Variants in SEC63 observed in about 807,000 individuals in gnomAD.
SEC63 encodes the protein SEC63 protein translocation regulator.
In SEC63, 56 loss-of-function variants were observed where a neutral mutation model predicts 116.2. That is an observed-to-expected ratio of 0.48 (90% confidence interval 0.39 to 0.60). The LOEUF (loss-of-function observed/expected upper bound fraction) is 0.60. Among genes scored for constraint, SEC63 ranks in the 20% least tolerant of loss-of-function variants. The pLI is 0.00. For synonymous variants in SEC63, 273 were observed against 294.6 expected (o/e 0.93, Z 0.75); for missense variants, 668 against 900.0 (o/e 0.74, Z 3.30).
chr6:107,920,984 A>T (rs929848107), intron 4 of SEC63, among the ~76,000 whole-genome samples: 2 of 152,252 alleles, frequency 1.3e-5, no homozygotes, highest in African/African-American at 4.8e-5. Context: ...AGATTTGTGA[A>T]GACAGTTTCT....
At position 107,870,597 on chromosome 6, in the gene SEC63, A is replaced by C. The variant is rs1786108025; in HGVS notation, c.*1107T>G. 6.6e-6 allele frequency: 1 copy of C among 152,214 alleles called. No individual in the cohort carries two copies. Among genetic ancestry groups the C allele is most frequent in the African/African-American group, 2.4e-5 (1 of 41,448 alleles). The allele number at this position is 152,214 out of a possible 1,614,324, so 9.4% of individuals were successfully genotyped here. On this transcript the variant is annotated 3_prime_UTR_variant, in exon 21 of 21. Coordinates refer to ENST00000369002, the MANE Select transcript of SEC63 (RefSeq NM_007214.5). ...TTACAAGCACTATCCTTCCAGTTGT[A>C]CTATGAGGGGAAATCCCTCTCACTC...
Position 107,906,759 on chromosome 6 carries a change from G to A in SEC63, c.752C>T (p.Ala251Val), listed in dbSNP as rs1277838637. ...MDMKRLIMVLAGASEFDPQYN... is the reference protein window; with the variant it reads ...MDMKRLIMVLVGASEFDPQYN... ...CTGAGGATCAAATTCAGAAGCTCCA[G>A]CCAAAACCATGATAAGACCTAACAA... Residue 251 changes from alanine (A) to valine (V), a missense_variant, in exon 9 of 21, where the codon GCT (alanine) becomes GTT (valine). Transcript: ENST00000369002. 6.2e-7 allele frequency: 1 copy of A among 1,613,432 alleles called. No individual in the cohort carries two copies. The highest frequency in any genetic ancestry group is 8.5e-7 in the Non-Finnish European group (1 of 1,179,510).
intron 1 of SEC63, among the ~76,000 whole-genome samples, chr6:107,940,071 C>A (rs188513658): frequency 8.5e-4 from 130 of 152,226 alleles, no homozygotes; most frequent in African/African-American, 3.0e-3. Flanking sequence ...TCACAGATTA[C>A]CTAAATCAGA....
chr6:107,938,014 T>G (rs1770294027), intron 1 of SEC63, among the ~76,000 whole-genome samples: 1 of 151,864 alleles, frequency 6.6e-6, no homozygotes, highest in Non-Finnish European at 1.5e-5. Context: ...TCTTTTGCTG[T>G]GCAGAATCTT....
At chr6:107,874,321 A>G (rs113536944) in intron 19 of SEC63, among the ~76,000 whole-genome samples, 11,521 of 152,258 alleles carry the variant, frequency 0.076, 546 homozygotes, top group Admixed American at 0.15. Context: ...GAAGCCGGGC[A>G]CGGTGGCTCA....
intron 1 of SEC63, among the ~76,000 whole-genome samples, chr6:107,948,269 T>C (rs1333866194): frequency 2.0e-5 from 3 of 152,228 alleles, no homozygotes; most frequent in Non-Finnish European, 2.9e-5. Flanking sequence ...CAGAGAGTAG[T>C]GGCTAACAAG....
At chr6:107,891,563 C>CA (rs551937562) in intron 16 of SEC63, among the ~76,000 whole-genome samples, 58 of 152,150 alleles carry the variant, frequency 3.8e-4, no homozygotes, top group African/African-American at 1.4e-3. Flanking sequence ...CTGCTTCTGT[C>CA]AGTTCGTCAC....
chr6:107,928,359 T>A (rs1461929809), intron 2 of SEC63, among the ~76,000 whole-genome samples: 13 of 151,846 alleles, frequency 8.6e-5, no homozygotes, highest in Admixed American at 8.5e-4. Context: ...TGTAGTGGCA[T>A]GCACCTGTAC....
chr6:107,908,470 C>A (rs1029297090), intron 8 of SEC63, among the ~76,000 whole-genome samples: 1 of 152,066 alleles, frequency 6.6e-6, no homozygotes, highest in African/African-American at 2.4e-5. Context: ...GCTCAAGAAC[C>A]AGACTGCCTG....
intron 1 of SEC63, among the ~76,000 whole-genome samples, chr6:107,942,338 C>T (rs151260495): frequency 1.3e-5 from 2 of 152,210 alleles, no homozygotes; most frequent in African/African-American, 4.8e-5. Flanking sequence ...CGATTTGATT[C>T]CTCTGTACTG....
chr6:107,907,517 C>T (rs577117271), intron 8 of SEC63, among the ~76,000 whole-genome samples: 2 of 152,150 alleles, frequency 1.3e-5, no homozygotes, highest in South Asian at 2.1e-4. Context: ...AGGAGGCAGA[C>T]GTTGTGGTGA....
intron 13 of SEC63, among the ~76,000 whole-genome samples, 200 bp from the exon 14 acceptor site, chr6:107,897,931 T>C (rs1194650138): frequency 6.6e-6 from 1 of 152,212 alleles, no homozygotes; most frequent in African/African-American, 2.4e-5. Context: ...TTAATTCATT[T>C]AATCCTTAAA....
rs1786113979 is a variant in SEC63 at position 107,870,823 on chromosome 6, C to G, written c.*881G>C. 1 of 152,134 alleles carries G rather than the reference C, an allele frequency of 6.6e-6. No individual in the cohort carries two copies. 9.4% of individuals were successfully genotyped at this position (152,134 alleles called of 1,614,324 possible). A position where few individuals can be genotyped will look rare whatever the true frequency, so the allele number is the denominator to read the frequency against. The stretch of plus-strand genomic sequence containing the variant: ...GAGTCCAAAATGAATACAAAAAAAG[C>G]TTCCTTTGCATGTTATACTTACTTT... On this transcript the variant is annotated 3_prime_UTR_variant, in exon 21 of 21. Coordinates refer to ENST00000369002, the MANE Select transcript of SEC63 (RefSeq NM_007214.5).
intron 7 of SEC63, among the ~76,000 whole-genome samples, chr6:107,910,015 A>G (rs973550450): frequency 1.2e-4 from 19 of 152,238 alleles, no homozygotes; most frequent in Non-Finnish European, 5.9e-5. Context: ...ATGCACACAT[A>G]CAGTAAAATC....
At chr6:107,935,118 TG>T (rs1185552958) in intron 1 of SEC63, among the ~76,000 whole-genome samples, 8 of 94,480 alleles carry the variant, frequency 8.5e-5, no homozygotes, top group Admixed American at 1.1e-4. Flanking sequence ...GGGAGGGAGG[TG>T]GGGGGGTCAG....
In SEC63 at chr6:107,931,502, T is replaced by A. The variant is rs536347473; in HGVS notation, c.125-1988A>T. 6.1e-4 allele frequency among the ~76,000 whole-genome samples: 83 copies of A among 135,814 alleles called. 1 individual carries two copies. The highest frequency in any genetic ancestry group is 2.2e-3 in the African/African-American group (81 of 37,432). 89.1% of individuals were successfully genotyped at this position (135,814 alleles called of 152,430 possible). On this transcript the variant is annotated intron_variant, in intron 1 of 20. Coordinates refer to ENST00000369002, the MANE Select transcript of SEC63 (RefSeq NM_007214.5). ...TCCCAAGTTTAAAAAAAAAAAAAAA[T>A]GTATTGGGAGGCCGAGGCAGGCAGA...
intron 18 of SEC63, 63 bp from the exon 19 acceptor site, chr6:107,876,725 G>T: frequency 8.8e-7 from 1 of 1,131,342 alleles, no homozygotes; most frequent in Non-Finnish European, 1.3e-6. Context: ...GAACTAGAAA[G>T]AATATAATTT....
chr6:107,871,623 T>G lies in SEC63; in HGVS notation c.*81A>C. 3 of 1,343,582 alleles carry G rather than the reference T, an allele frequency of 2.2e-6. No homozygotes were observed. The South Asian group carries it at 3.5e-5, about 16-fold the overall frequency. 83.2% of individuals were successfully genotyped at this position (1,343,582 alleles called of 1,614,324 possible). ...ACCTCCCTCAACATCAGTTCTGTAC[T>G]GTTTCTGGTTTATGATACACTTCCA... On this transcript the variant is annotated 3_prime_UTR_variant, in exon 21 of 21. Transcript: ENST00000369002.
intron 7 of SEC63, among the ~76,000 whole-genome samples, chr6:107,910,619 G>C (rs977278694): frequency 6.6e-6 from 1 of 151,614 alleles, no homozygotes; most frequent in Non-Finnish European, 1.5e-5. Context: ...ATACATATAT[G>C]CACGTGTCAT....
Sources: gnomAD v4.1 joint callset for allele counts (sites outside exome capture counted in the v4.1 genomes callset) on GRCh38, gnomAD v4.1.1 for gene constraint, MANE v1.5 for transcripts, NCBI Gene and HGNC (gene_info 2026-07-23, HGNC 2026-07-21) for gene names.